DPP6: variants seen among roughly 807,000 people sequenced by gnomAD.
The protein encoded by DPP6 is dipeptidyl peptidase like 6, also known as A-type potassium channel modulatory protein DPP6.
Under a neutral mutation model 122.6 loss-of-function variants are expected in DPP6, and 69 were observed. That is an observed-to-expected ratio of 0.56 (90% CI 0.46 to 0.69). DPP6 has a LOEUF of 0.69. DPP6 is among the 30% of genes least tolerant of loss of function. DPP6 has a pLI of 0.00. For synonymous variants in DPP6, 418 were observed against 433.1 expected, an observed-to-expected ratio of 0.97 and a Z score of 0.43; for missense variants, 928 against 1,116.9, an observed-to-expected ratio of 0.83 and a Z score of 2.41.
In DPP6 at chr7:154,760,453, G is replaced by A. The variant is rs188438037; in HGVS notation, c.884-8964G>A. On this transcript the variant is annotated intron_variant, in intron 8 of 25. Transcript: ENST00000377770. This position sits in a 1 kb window ranked among gnomAD's most constrained non-coding sequence, Gnocchi z 4.5. The stretch of plus-strand genomic sequence containing the variant: ...AGACTTCAGCCAGTTCTCTTATCTC[G>A]GGGCGGAGGGAGCGTCAGTGTTTCA... Among the ~76,000 whole-genome samples, 175 of 152,240 alleles carry A rather than the reference G, an allele frequency of 1.1e-3. No homozygotes were observed. The highest frequency in any genetic ancestry group is 3.9e-3 in the African/African-American group (162 of 41,518).
chr7:153,771,920 T>C, the DPP6 span, among the ~76,000 whole-genome samples: 2 of 152,098 alleles, frequency 1.3e-5, no homozygotes, highest in South Asian at 4.2e-4. Flanking sequence ...ATAAAATTAG[T>C]TTTTTATACC....
intron 1 of DPP6, among the ~76,000 whole-genome samples, chr7:153,915,943 T>TTTTATTTATTTATTTATTTA (rs141267507): frequency 6.8e-6 from 1 of 146,972 alleles, no homozygotes; most frequent in African/African-American, 2.5e-5. Context: ...CTCCTCTGAT[T>TTTTATTTATTTATTTATTTA]TTTATTTATT....
intron 8 of DPP6, among the ~76,000 whole-genome samples, chr7:154,762,665 A>G (rs189888666): frequency 3.8e-4 from 58 of 152,372 alleles, no homozygotes; most frequent in Admixed American, 1.6e-3. Flanking sequence ...CCGGAAGCTT[A>G]GAACCTGTAG....
At chr7:154,580,820 C>T (rs1163831806) in intron 5 of DPP6, among the ~76,000 whole-genome samples, 1 of 152,120 alleles carries the variant, frequency 6.6e-6, no homozygotes, top group African/African-American at 2.4e-5. Flanking sequence ...TGGGAAACAC[C>T]TGCAGCGAGC....
chr7:153,997,602 C>CAT lies in DPP6; in HGVS notation c.51+109869_51+109870insTA, dbSNP rs71860844. On this transcript the variant is annotated intron_variant, in intron 1 of 25. Coordinates refer to the DPP6 transcript ENST00000404039. ...TGAGTATGAGTGCACAGCACACACA[C>CAT]ACACACACACACACCTGTTTTGTAT... Among the ~76,000 whole-genome samples the CAT allele has an allele frequency of 5.0e-3, 755 of 151,056 alleles. 9 individuals are homozygous for CAT. The highest frequency in any genetic ancestry group is 0.017 in the African/African-American group (700 of 40,930).
chr7:154,174,469 C>T (rs563656580), intron 1 of DPP6, among the ~76,000 whole-genome samples: 1 of 152,288 alleles, frequency 6.6e-6, no homozygotes, highest in East Asian at 1.9e-4. Context: ...CTGGAAATAC[C>T]TCTGTTAGAA....
At chr7:154,516,317 A>G (rs554041067) in intron 3 of DPP6, among the ~76,000 whole-genome samples, 1 of 151,896 alleles carries the variant, frequency 6.6e-6, no homozygotes, top group Non-Finnish European at 1.5e-5. Flanking sequence ...GCAGCATTCC[A>G]AGATGCAGGG....
chr7:153,886,716 C>A (rs1798930987), upstream of DPP6, among the ~76,000 whole-genome samples: 1 of 152,276 alleles, frequency 6.6e-6, no homozygotes, highest in Non-Finnish European at 1.5e-5. Flanking sequence ...ACCATGGAGA[C>A]GCGACGTGTG....
chr7:154,673,696 C>T lies in DPP6; in HGVS notation c.762+4255C>T, dbSNP rs371638085. On this transcript the variant is annotated intron_variant, in intron 7 of 25. Transcript: ENST00000377770. ...ATTAAATAGGATTAAATGAGAAATCCTAGGTAAAATGTTAACACAGTGTCT... is the reference window on the plus strand; with the variant it reads ...ATTAAATAGGATTAAATGAGAAATCTTAGGTAAAATGTTAACACAGTGTCT... Among the ~76,000 whole-genome samples, 8 of 152,274 alleles carry T rather than the reference C, an allele frequency of 5.3e-5. No individual in the cohort carries two copies. In the East Asian group the frequency reaches 1.2e-3, roughly 22 times the overall value.
chr7:154,313,235 A>C (rs1236701000), intron 1 of DPP6, among the ~76,000 whole-genome samples: 1 of 152,184 alleles, frequency 6.6e-6, no homozygotes, highest in South Asian at 2.1e-4. Flanking sequence ...GGAACAGCTC[A>C]AGGTCAGGAG....
intron 1 of DPP6, among the ~76,000 whole-genome samples, chr7:154,322,202 G>A (rs554492720): frequency 2.6e-5 from 4 of 152,262 alleles, no homozygotes; most frequent in South Asian, 2.1e-4. Context: ...GCCTGGGGAC[G>A]AAGCAGTATG....
intron 3 of DPP6, among the ~76,000 whole-genome samples, chr7:154,478,426 C>T (rs1308463166): frequency 2.0e-5 from 3 of 152,114 alleles, no homozygotes; most frequent in Non-Finnish European, 2.9e-5. Flanking sequence ...ATCACAGTCT[C>T]CTCTTCCTCC....
At chr7:154,008,745 T>C (rs1269339037) in intron 1 of DPP6, among the ~76,000 whole-genome samples, 9 of 144,180 alleles carry the variant, frequency 6.2e-5, no homozygotes, top group South Asian at 2.3e-4. Context: ...CACTGCAAGC[T>C]CCGCCTCCCA....
At chr7:154,378,023 T>A (rs1391274613) in intron 1 of DPP6, among the ~76,000 whole-genome samples, 1 of 152,182 alleles carries the variant, frequency 6.6e-6, no homozygotes, top group Admixed American at 6.5e-5. Flanking sequence ...ATAATAGAAG[T>A]GTGTCCTGTG....
At chr7:153,972,121 G>T (rs1244361712) in intron 1 of DPP6, among the ~76,000 whole-genome samples, 2 of 151,228 alleles carry the variant, frequency 1.3e-5, no homozygotes, top group African/African-American at 4.9e-5. Flanking sequence ...GAAATCTGTA[G>T]GTTTACTATC....
chr7:154,109,496 TG>T (rs759020555), intron 1 of DPP6, among the ~76,000 whole-genome samples: 1 of 152,078 alleles, frequency 6.6e-6, no homozygotes, highest in Non-Finnish European at 1.5e-5. Context: ...TTCACCATGT[TG>T]GCCAGGCTGG....
chr7:154,542,982 C>T (rs1828854212), intron 4 of DPP6, among the ~76,000 whole-genome samples: 1 of 152,178 alleles, frequency 6.6e-6, no homozygotes, highest in South Asian at 2.1e-4. Flanking sequence ...TGTGTATGCT[C>T]TGTGTGTTTT....
chr7:154,582,274 GC>G (rs1178430460), intron 5 of DPP6, among the ~76,000 whole-genome samples: 1 of 152,212 alleles, frequency 6.6e-6, no homozygotes, highest in African/African-American at 2.4e-5. Context: ...GTGCTGGTTA[GC>G]CACGGGCATG....
intron 16 of DPP6, among the ~76,000 whole-genome samples, chr7:154,810,797 A>G (rs182110642): frequency 2.8e-4 from 43 of 152,184 alleles, no homozygotes; most frequent in African/African-American, 8.9e-4. Context: ...CACACACACA[A>G]CTAACCTGGC....
Sources: gnomAD v4.1 joint callset for allele counts (sites outside exome capture counted in the v4.1 genomes callset) on GRCh38, gnomAD v4.1.1 for gene constraint, Gnocchi (gnomAD v3.1) non-coding constraint, MANE v1.5 for transcripts, NCBI Gene and HGNC (gene_info 2026-07-23, HGNC 2026-07-21) for gene names.